Variants in PPFIA2 observed in about 807,000 individuals in gnomAD.
The protein encoded by PPFIA2 is liprin-alpha-2.
Under a neutral mutation model 175.5 loss-of-function variants are expected in PPFIA2, and 46 were observed. The observed-to-expected ratio is 0.26, with a 90% CI of 0.21 to 0.34. The LOEUF is 0.34. PPFIA2 is among the 10% of genes least tolerant of loss of function. The pLI is 1.00. For synonymous variants in PPFIA2, 568 were observed against 511.4 expected, an observed-to-expected ratio of 1.11 and a Z score of -1.49; for missense variants, 1,179 against 1,506.1, an observed-to-expected ratio of 0.78 and a Z score of 3.60.
At chr12:81,260,890 T>TTTAGGTTGAAAAAAA (rs2035244706) in intron 32 of PPFIA2, 1 of 152,206 alleles carries the variant, frequency 6.6e-6, no homozygotes, top group South Asian at 2.1e-4. Flanking sequence ...AAAGCATAGT[T>TTTAGGTTGAAAAAAA]TTAGGTTGAA....
rs74711597 is a variant in PPFIA2, at chr12:81,492,604, A to G, written c.304-34738T>C. On this transcript the variant is annotated intron_variant, in intron 4 of 32. Transcript: ENST00000549396. ...AGGGAGTAAGACATGTGAGTAGATA[A>G]GGGGTAGTTGGAATATTTCAGAGAT... is the stretch of plus-strand genomic sequence containing the variant. Among the ~76,000 whole-genome samples, 493 of 152,078 alleles carry G rather than the reference A, an allele frequency of 3.2e-3. 3 individuals are homozygous for G. Among genetic ancestry groups the G allele is most frequent in the African/African-American group, 0.011 (475 of 41,520 alleles).
chr12:81,517,107 C>CTTTTTTTTT (rs34341719), intron 4 of PPFIA2, among the ~76,000 whole-genome samples: 1 of 123,714 alleles, frequency 8.1e-6, no homozygotes. Flanking sequence ...CACATTGTAG[C>CTTTTTTTTT]TTTTTTTTTT....
At chr12:81,265,073 A>T (rs757012384) in intron 30 of PPFIA2, among the ~76,000 whole-genome samples, 5 of 150,862 alleles carry the variant, frequency 3.3e-5, no homozygotes, top group Non-Finnish European at 7.5e-5. Context: ...TGGGCGGATC[A>T]CCTGAGGTCA....
At chr12:81,582,193 A>G (rs2074521291) in intron 4 of PPFIA2, among the ~76,000 whole-genome samples, 1 of 151,814 alleles carries the variant, frequency 6.6e-6, no homozygotes, top group Non-Finnish European at 1.5e-5. Context: ...ATGTATTCCC[A>G]CAGGTTTCTC....
rs2035943911 is a variant in PPFIA2 at position 81,374,627 on chromosome 12, G to A, written c.1266+7C>T. On this transcript the variant is annotated splice_region_variant and intron_variant, in intron 11 of 32. Transcript: ENST00000549396. Reference sequence around the variant, plus strand: ...ATCTAGGTTGACCAGTTGTTCTAGTGCAGTACCTTGGTTAGGGCTGCAATT... The same window carrying A: ...ATCTAGGTTGACCAGTTGTTCTAGTACAGTACCTTGGTTAGGGCTGCAATT... The A allele has an allele frequency of 6.2e-7, 1 of 1,608,330 alleles. No individual in the cohort carries two copies. The highest frequency in any genetic ancestry group is 1.3e-5 in the African/African-American group (1 of 74,654).
intron 4 of PPFIA2, chr12:81,512,380 A>G (rs1262133928): frequency 2.3e-6 from 3 of 1,286,892 alleles, no homozygotes; most frequent in Admixed American, 2.3e-5. Context: ...TTCTCTGAGC[A>G]TTCTACCTTC....
At chr12:81,482,627 C>G (rs759786114) in intron 4 of PPFIA2, among the ~76,000 whole-genome samples, 1 of 152,038 alleles carries the variant, frequency 6.6e-6, no homozygotes, top group Non-Finnish European at 1.5e-5. Flanking sequence ...CTCAGCTAAC[C>G]AACACAGGAA....
intron 22 of PPFIA2, among the ~76,000 whole-genome samples, chr12:81,301,549 T>C (rs2047845284): frequency 6.6e-6 from 1 of 152,124 alleles, no homozygotes; most frequent in Non-Finnish European, 1.5e-5. Context: ...TCCTTTTGAG[T>C]CTGATCATGT....
intron 4 of PPFIA2, among the ~76,000 whole-genome samples, chr12:81,626,796 G>C (rs1010161271): frequency 8.6e-5 from 13 of 151,956 alleles, no homozygotes; most frequent in Non-Finnish European, 1.5e-4. Context: ...GGGTGAGCAA[G>C]GATTTTTGAG....
intron 13 of PPFIA2, chr12:81,368,249 C>T: frequency 1.0e-6 from 1 of 967,284 alleles, no homozygotes; most frequent in South Asian, 1.4e-5. Context: ...GCTGAAAATA[C>T]TGGGTTCCTA....
chr12:81,676,906 C>T, intron 3 of PPFIA2, 62 bp from the exon 4 acceptor site: 1 of 1,196,840 alleles, frequency 8.4e-7, no homozygotes, highest in Non-Finnish European at 1.2e-6. Context: ...ATCCCCCAGT[C>T]CCACAGTGTA....
At chr12:81,279,915 T>C (rs2136915325) in intron 27 of PPFIA2, among the ~76,000 whole-genome samples, 1 of 152,280 alleles carries the variant, frequency 6.6e-6, no homozygotes, top group South Asian at 2.1e-4. Flanking sequence ...ACCTAGGATC[T>C]ACATCTGTGT....
intron 4 of PPFIA2, among the ~76,000 whole-genome samples, chr12:81,600,274 T>C (rs984890686): frequency 6.6e-6 from 1 of 151,970 alleles, no homozygotes; most frequent in East Asian, 1.9e-4. Flanking sequence ...CTTTACACTC[T>C]GGTTTGAAAT....
chr12:81,645,872 G>A (rs1274003756), intron 4 of PPFIA2, among the ~76,000 whole-genome samples: 2 of 152,190 alleles, frequency 1.3e-5, no homozygotes, highest in East Asian at 3.9e-4. Flanking sequence ...TTACAAGAGG[G>A]GTTCAGCTAC....
At chr12:81,497,150 G>A (rs1175596826) in intron 4 of PPFIA2, among the ~76,000 whole-genome samples, 1 of 152,124 alleles carries the variant, frequency 6.6e-6, no homozygotes, top group Non-Finnish European at 1.5e-5. Context: ...CACCTCCCTA[G>A]AGACAACCAA....
chr12:81,401,331 T>A (rs1171913677), intron 8 of PPFIA2, among the ~76,000 whole-genome samples: 1 of 152,172 alleles, frequency 6.6e-6, no homozygotes, highest in Non-Finnish European at 1.5e-5. Flanking sequence ...GAATATAGTG[T>A]TTCTATTCTT....
At position 81,284,223 on chromosome 12, in the gene PPFIA2, A is replaced by T; in HGVS notation, c.2988+18T>A. On this transcript the variant is annotated intron_variant, in intron 25 of 32. Transcript: ENST00000549396. Reference sequence around the variant, plus strand: ...AAAGTCACTTTCCTTCAGGTTCAACAAAGCCATTAAGACTAACCGTTTTTG... The same window carrying T: ...AAAGTCACTTTCCTTCAGGTTCAACTAAGCCATTAAGACTAACCGTTTTTG... The T allele has an allele frequency of 6.5e-7, 1 of 1,545,790 alleles. No homozygotes were observed. Among genetic ancestry groups the T allele is most frequent in the Non-Finnish European group, 8.9e-7 (1 of 1,123,322 alleles).
At chr12:81,532,201 A>C (rs2064671220) in intron 4 of PPFIA2, among the ~76,000 whole-genome samples, 1 of 151,836 alleles carries the variant, frequency 6.6e-6, no homozygotes, top group African/African-American at 2.4e-5. Flanking sequence ...AAAGATTCCC[A>C]CTAGCAAGCT....
At chr12:81,380,962 CTGTGTGTGTGTGTGTGTGTGTGTGTG>C (rs71098139) in intron 9 of PPFIA2, among the ~76,000 whole-genome samples, 1 of 137,502 alleles carries the variant, frequency 7.3e-6, no homozygotes, top group Non-Finnish European at 1.5e-5. Flanking sequence ...TTTCACAGTG[CTGTGTGTGTGTGTGTGTGTGTGTGTG>C]TGTGTGTGTG....
Sources: allele counts gnomAD v4.1 joint callset (sites outside exome capture counted in the v4.1 genomes callset), GRCh38; gene constraint gnomAD v4.1.1; transcripts MANE v1.5; gene names NCBI Gene and HGNC (gene_info 2026-07-23, HGNC 2026-07-21).